The following ANKS1B variants were observed in gnomAD, a reference collection of about 807,000 sequenced individuals.
The protein encoded by ANKS1B is ankyrin repeat and sterile alpha motif domain containing 1B.
ANKS1B carries 36 observed loss-of-function variants against 148.3 expected under a neutral mutation model. The observed-to-expected ratio is 0.24, with a 90% confidence interval of 0.19 to 0.32. ANKS1B has a LOEUF of 0.32. Ranked by LOEUF, ANKS1B falls within the 10% of genes least tolerant of loss-of-function variation. ANKS1B has a pLI of 1.00. For synonymous variants in ANKS1B, 542 were observed against 560.8 expected, an observed-to-expected ratio of 0.97 and a Z score of 0.47; for missense variants, 1,157 against 1,542.6, an observed-to-expected ratio of 0.75 and a Z score of 4.19.
chr12:99,561,338 T>A (rs928577565), intron 9 of ANKS1B, among the ~76,000 whole-genome samples: 11 of 152,204 alleles, frequency 7.2e-5, no homozygotes, highest in Admixed American at 3.9e-4. Flanking sequence ...ATATTTTAAA[T>A]CCTTTGTTGT....
intron 12 of ANKS1B, among the ~76,000 whole-genome samples, chr12:99,287,818 G>A (rs2079346519): frequency 2.6e-5 from 4 of 152,076 alleles, no homozygotes; most frequent in African/African-American, 9.7e-5. Context: ...ACAGAAGAAA[G>A]AATTACTGAG....
chr12:99,635,498 C>T (rs968487285), intron 9 of ANKS1B, among the ~76,000 whole-genome samples: 1 of 152,002 alleles, frequency 6.6e-6, no homozygotes, highest in African/African-American at 2.4e-5. Context: ...ATAAGCCAGT[C>T]ACAAAAAGAT....
chr12:99,637,743 G>A (rs1421543310), intron 9 of ANKS1B, among the ~76,000 whole-genome samples: 1 of 150,806 alleles, frequency 6.6e-6, no homozygotes, highest in East Asian at 2.0e-4. Flanking sequence ...GCCTATTGTG[G>A]GGCCTTGTGA....
At chr12:99,804,478 C>T (rs2067343737) in intron 4 of ANKS1B, among the ~76,000 whole-genome samples, 1 of 151,998 alleles carries the variant, frequency 6.6e-6, no homozygotes, top group Non-Finnish European at 1.5e-5. Context: ...ATAATGCAGG[C>T]AAAGCTCTAA....
chr12:99,919,379 A>T (rs1487512832), intron 1 of ANKS1B, among the ~76,000 whole-genome samples: 2 of 152,200 alleles, frequency 1.3e-5, no homozygotes, highest in Non-Finnish European at 2.9e-5. Context: ...AATAAGTAAT[A>T]GTTTCCTTCT....
At chr12:99,802,587 T>C (rs1440923419) in intron 4 of ANKS1B, among the ~76,000 whole-genome samples, 9 of 152,150 alleles carry the variant, frequency 5.9e-5, no homozygotes, top group Non-Finnish European at 1.3e-4. Context: ...AATAAACTTC[T>C]AGAGCAAATA....
intron 17 of ANKS1B, among the ~76,000 whole-genome samples, chr12:98,945,347 T>C (rs2099843407): frequency 6.6e-6 from 1 of 151,460 alleles, no homozygotes; most frequent in Non-Finnish European, 1.5e-5. Flanking sequence ...ATACAAAAAT[T>C]AGGCGGGCGT....
intron 15 of ANKS1B, among the ~76,000 whole-genome samples, chr12:99,140,798 G>A (rs1383558043): frequency 6.6e-6 from 1 of 152,070 alleles, no homozygotes; most frequent in African/African-American, 2.4e-5. Flanking sequence ...TATCAAATGA[G>A]CCCTAAGCAT....
At chr12:99,977,085 T>C (rs1330075546) in intron 1 of ANKS1B, among the ~76,000 whole-genome samples, 4 of 152,156 alleles carry the variant, frequency 2.6e-5, no homozygotes, top group Non-Finnish European at 5.9e-5. Context: ...ATAATGGCAT[T>C]AATCCATTCA....
At chr12:99,133,778 G>A (rs964922511) in intron 15 of ANKS1B, among the ~76,000 whole-genome samples, 1 of 152,124 alleles carries the variant, frequency 6.6e-6, no homozygotes, top group Non-Finnish European at 1.5e-5. Flanking sequence ...TACTGCAGAG[G>A]CTCTACTTCA....
At chr12:98,950,541 C>A (rs1177948354) in intron 17 of ANKS1B, among the ~76,000 whole-genome samples, 1 of 151,980 alleles carries the variant, frequency 6.6e-6, no homozygotes, top group Non-Finnish European at 1.5e-5. Flanking sequence ...TCCCATCTGT[C>A]CTGCGAGTCC....
chr12:99,103,956 A>G (rs2058587054), intron 15 of ANKS1B, among the ~76,000 whole-genome samples: 1 of 152,226 alleles, frequency 6.6e-6, no homozygotes, highest in Admixed American at 6.5e-5. Context: ...AAAACAAAAC[A>G]CAGTCTCTGT....
At chr12:99,855,595 A>G (rs1027673242) in intron 1 of ANKS1B, among the ~76,000 whole-genome samples, 2 of 152,208 alleles carry the variant, frequency 1.3e-5, no homozygotes, top group African/African-American at 4.8e-5. Flanking sequence ...TCTATGCAAC[A>G]ACTGCAAAAT....
At chr12:99,462,748 T>A (rs2096004488) in intron 10 of ANKS1B, among the ~76,000 whole-genome samples, 1 of 152,218 alleles carries the variant, frequency 6.6e-6, no homozygotes, top group South Asian at 2.1e-4. Context: ...ATGGGCATAC[T>A]GGGAGGTGTT....
chr12:99,153,939 G>A (rs481902), intron 15 of ANKS1B, among the ~76,000 whole-genome samples: 82,036 of 151,994 alleles, frequency 0.54, 23,287 homozygotes, highest in Non-Finnish European at 0.63. Flanking sequence ...AGAATTAGCT[G>A]AAGAGTGATA....
intron 9 of ANKS1B, among the ~76,000 whole-genome samples, chr12:99,542,142 A>G (rs2097132006): frequency 2.0e-5 from 3 of 152,208 alleles, no homozygotes; most frequent in African/African-American, 7.2e-5. Flanking sequence ...TGTAGATGAC[A>G]TGAACTTACA....
chr12:99,451,145 T>C (rs1019810976), intron 10 of ANKS1B, among the ~76,000 whole-genome samples: 1 of 152,216 alleles, frequency 6.6e-6, no homozygotes, highest in Non-Finnish European at 1.5e-5. Context: ...CAATTTCAGA[T>C]TGAAATAAGA....
At chr12:99,132,520 G>T (rs2066458065) in intron 15 of ANKS1B, among the ~76,000 whole-genome samples, 1 of 151,930 alleles carries the variant, frequency 6.6e-6, no homozygotes, top group Non-Finnish European at 1.5e-5. Context: ...TATATATAGT[G>T]GTTGATTGAG....
chr12:98,862,891 G>A (rs541466193), intron 17 of ANKS1B, among the ~76,000 whole-genome samples: 1 of 152,152 alleles, frequency 6.6e-6, no homozygotes, highest in Non-Finnish European at 1.5e-5. Flanking sequence ...TTTTTCCAAA[G>A]AATGTTTTTG....
Sources: allele counts gnomAD v4.1 joint callset (sites outside exome capture counted in the v4.1 genomes callset), GRCh38; gene constraint gnomAD v4.1.1; transcripts MANE v1.5; gene names NCBI Gene and HGNC (gene_info 2026-07-23, HGNC 2026-07-21).